NFIB: variants seen among roughly 807,000 people sequenced by gnomAD.
NFIB encodes the protein nuclear factor I B, also known as nuclear factor 1 B-type.
NFIB carries 11 observed loss-of-function variants against 61.5 expected under a neutral mutation model. The observed-to-expected ratio is 0.18, with a 90% confidence interval of 0.11 to 0.30. The LOEUF (loss-of-function observed/expected upper bound fraction) is 0.30, where lower values mean the gene tolerates loss of function less well. Ranked by LOEUF, NFIB falls within the 10% of genes least tolerant of loss-of-function variation. NFIB has a pLI of 1.00. For synonymous variants in NFIB, 260 were observed against 216.5 expected (o/e 1.20, Z -1.76); for missense variants, 471 against 608.9 (o/e 0.77, Z 2.38).
the NFIB span, among the ~76,000 whole-genome samples, chr9:14,502,857 G>T: frequency 6.6e-6 from 1 of 152,046 alleles, no homozygotes; most frequent in Admixed American, 6.6e-5. Context: ...ACTGTACCCA[G>T]TGTGTAGTAT....
intron 2 of NFIB, among the ~76,000 whole-genome samples, chr9:14,210,030 T>G (rs2050153061): frequency 2.0e-5 from 3 of 152,198 alleles, no homozygotes; most frequent in Admixed American, 2.0e-4. Flanking sequence ...TTGAATTAAG[T>G]CATATAAATA....
chr9:14,407,481 G>A, the NFIB span, among the ~76,000 whole-genome samples: 2 of 152,118 alleles, frequency 1.3e-5, no homozygotes, highest in East Asian at 3.9e-4. Context: ...GGGTCCATCA[G>A]GTGCACGCCT....
chr9:14,228,207 T>C (rs2052681032), intron 2 of NFIB, among the ~76,000 whole-genome samples: 1 of 151,264 alleles, frequency 6.6e-6, no homozygotes, highest in South Asian at 2.1e-4. Flanking sequence ...CTTTTTTTTT[T>C]TTTTTTTGAG....
the NFIB span, among the ~76,000 whole-genome samples, chr9:14,487,848 G>C: frequency 1.3e-5 from 2 of 152,140 alleles, no homozygotes; most frequent in Non-Finnish European, 2.9e-5. Context: ...ACATGCTCCA[G>C]ACAGACGACG....
chr9:14,410,005 A>C, the NFIB span, among the ~76,000 whole-genome samples: 3 of 152,178 alleles, frequency 2.0e-5, no homozygotes, highest in Non-Finnish European at 4.4e-5. Context: ...GCCTTTTCAT[A>C]TACACTTGTA....
At chr9:14,459,519 G>A in the NFIB span, among the ~76,000 whole-genome samples, 1 of 152,080 alleles carries the variant, frequency 6.6e-6, no homozygotes, top group African/African-American at 2.4e-5. Context: ...TGACAAACGG[G>A]ATCTAATTAA....
chr9:14,121,763 TATA>T (rs1220150191), intron 7 of NFIB, among the ~76,000 whole-genome samples: 1 of 152,190 alleles, frequency 6.6e-6, no homozygotes, highest in African/African-American at 2.4e-5. Flanking sequence ...TCACATATTT[TATA>T]ATAATTTTAT....
chr9:14,261,037 C>T (rs2056701873), intron 2 of NFIB, among the ~76,000 whole-genome samples: 1 of 152,138 alleles, frequency 6.6e-6, no homozygotes, highest in African/African-American at 2.4e-5. Flanking sequence ...TGAAAAGGGG[C>T]CGGGCACAGT....
intron 2 of NFIB, among the ~76,000 whole-genome samples, chr9:14,284,937 G>T (rs779654941): frequency 1.6e-4 from 24 of 152,046 alleles, no homozygotes; most frequent in Non-Finnish European, 2.9e-4. Context: ...AGCCTTTGTG[G>T]ACTGCACAAT....
At chr9:14,271,923 AGGGT>A in intron 2 of NFIB, among the ~76,000 whole-genome samples, 1 of 152,316 alleles carries the variant, frequency 6.6e-6, no homozygotes, top group East Asian at 1.9e-4. Flanking sequence ...GAATATTTTA[AGGGT>A]GCTAATAACT....
At chr9:14,425,820 A>G in the NFIB span, among the ~76,000 whole-genome samples, 1 of 152,098 alleles carries the variant, frequency 6.6e-6, no homozygotes, top group African/African-American at 2.4e-5. Context: ...GCACCTTAAT[A>G]TAATATGCAT....
At chr9:14,216,111 G>A (rs973883720) in intron 2 of NFIB, among the ~76,000 whole-genome samples, 3 of 152,144 alleles carry the variant, frequency 2.0e-5, no homozygotes, top group Admixed American at 2.0e-4. Flanking sequence ...AGAAATAACA[G>A]ACTTCATCTT....
At chr9:14,116,813 G>C (rs1032729723) in intron 8 of NFIB, among the ~76,000 whole-genome samples, 2 of 152,110 alleles carry the variant, frequency 1.3e-5, no homozygotes, top group Non-Finnish European at 2.9e-5. Flanking sequence ...TGAAACAAAG[G>C]ACACAAAAAT....
chr9:14,102,275 AAGG>A (rs2035896129), intron 10 of NFIB: 6 of 623,610 alleles, frequency 9.6e-6, no homozygotes, highest in African/African-American at 9.2e-5. Context: ...ATAAGAAATA[AAGG>A]AGGAGGACAG....
chr9:14,243,677 A>C (rs2132060057), intron 2 of NFIB, among the ~76,000 whole-genome samples: 1 of 152,164 alleles, frequency 6.6e-6, no homozygotes, highest in Middle Eastern at 3.4e-3. Flanking sequence ...ATTGTATTTC[A>C]TTTTTTTCTC....
chr9:14,467,342 A>C, the NFIB span, among the ~76,000 whole-genome samples: 40 of 152,250 alleles, frequency 2.6e-4, 1 homozygote, highest in South Asian at 8.3e-3. Context: ...TGGCCAGGTC[A>C]CAAGTAGATC....
chr9:14,165,802 A>T (rs1465556964), intron 3 of NFIB, among the ~76,000 whole-genome samples: 2 of 152,172 alleles, frequency 1.3e-5, no homozygotes, highest in Non-Finnish European at 2.9e-5. Flanking sequence ...TATCTAGGGT[A>T]GTCAAACTCA....
intron 2 of NFIB, among the ~76,000 whole-genome samples, chr9:14,303,373 GT>G (rs1260444262): frequency 6.6e-6 from 1 of 152,174 alleles, no homozygotes; most frequent in East Asian, 1.9e-4. Context: ...GGCTTGCCTG[GT>G]TTTTGTTTGG....
At chr9:14,219,052 C>T (rs914882122) in intron 2 of NFIB, among the ~76,000 whole-genome samples, 7 of 152,126 alleles carry the variant, frequency 4.6e-5, no homozygotes, top group Admixed American at 3.9e-4. Flanking sequence ...GCTGGCTCTT[C>T]ATTAAGGGGT....
Sources: gnomAD v4.1 joint callset for allele counts (sites outside exome capture counted in the v4.1 genomes callset) on GRCh38, gnomAD v4.1.1 for gene constraint, MANE v1.5 for transcripts, NCBI Gene and HGNC (gene_info 2026-07-23, HGNC 2026-07-21) for gene names.